The following AFG2A variants were observed in gnomAD, a reference collection of about 807,000 sequenced individuals.
AFG2A encodes ATPase family gene 2 protein homolog A.
the AFG2A span, among the ~76,000 whole-genome samples, chr4:123,082,476 T>A: frequency 6.6e-6 from 1 of 152,010 alleles, no homozygotes; most frequent in Non-Finnish European, 1.5e-5. Context: ...TCTGTTCTGT[T>A]CTGTTGGTAC....
the AFG2A span, among the ~76,000 whole-genome samples, chr4:123,144,114 A>G: frequency 6.6e-6 from 1 of 152,028 alleles, no homozygotes; most frequent in African/African-American, 2.4e-5. Context: ...AAATGGGTAG[A>G]AAAACTCAAG....
chr4:123,315,557 A>G, the AFG2A span: 1 of 151,930 alleles, frequency 6.6e-6, no homozygotes, highest in Non-Finnish European at 1.5e-5. Flanking sequence ...GCTTCTTGTT[A>G]TTTATCCTCA....
chr4:123,230,836 A>G, the AFG2A span, among the ~76,000 whole-genome samples: 4 of 152,004 alleles, frequency 2.6e-5, no homozygotes, highest in African/African-American at 9.7e-5. Context: ...ACACTAATCT[A>G]CATCTCCATC....
chr4:123,157,178 G>A, the AFG2A span, among the ~76,000 whole-genome samples: 3 of 151,756 alleles, frequency 2.0e-5, no homozygotes, highest in Admixed American at 2.0e-4. Flanking sequence ...ACCACGCCCA[G>A]CTAATTTTTG....
At chr4:123,257,094 C>T in the AFG2A span, among the ~76,000 whole-genome samples, 2 of 152,094 alleles carry the variant, frequency 1.3e-5, no homozygotes, top group Non-Finnish European at 2.9e-5. Flanking sequence ...TATGTAAACA[C>T]CGAAGAGATT....
At chr4:123,074,095 A>ATTTTTTTTTTTTTTTTT in the AFG2A span, among the ~76,000 whole-genome samples, 2 of 102,068 alleles carry the variant, frequency 2.0e-5, no homozygotes, top group African/African-American at 3.4e-5. Flanking sequence ...CTCAGATAGT[A>ATTTTTTTTTTTTTTTTT]TTTTTTTTTT....
the AFG2A span, among the ~76,000 whole-genome samples, chr4:123,141,237 G>A: frequency 6.6e-6 from 1 of 152,206 alleles, no homozygotes; most frequent in Non-Finnish European, 1.5e-5. Flanking sequence ...TGTTCTGGTA[G>A]GCATTGATCT....
chr4:123,077,321 A>G, the AFG2A span, among the ~76,000 whole-genome samples: 1 of 152,094 alleles, frequency 6.6e-6, no homozygotes, highest in Admixed American at 6.5e-5. Flanking sequence ...TGCTGGGATT[A>G]CAGGTGTGAG....
chr4:122,998,225 C>T, the AFG2A span, among the ~76,000 whole-genome samples: 1 of 152,090 alleles, frequency 6.6e-6, no homozygotes, highest in South Asian at 2.1e-4. Flanking sequence ...GTTGTCAAAT[C>T]CAAGGGCTTT....
chr4:122,936,715 C>T, the AFG2A span, among the ~76,000 whole-genome samples: 1 of 152,194 alleles, frequency 6.6e-6, no homozygotes, highest in Admixed American at 6.5e-5. Context: ...TGCGGTGGCT[C>T]ACGCCTGTAA....
At chr4:123,280,368 G>A in the AFG2A span, among the ~76,000 whole-genome samples, 51 of 151,922 alleles carry the variant, frequency 3.4e-4, no homozygotes, top group South Asian at 7.1e-3. Context: ...AATAAAGTTC[G>A]GTTCCTTTAC....
At chr4:123,195,369 TATTA>T in the AFG2A span, among the ~76,000 whole-genome samples, 1 of 152,206 alleles carries the variant, frequency 6.6e-6, no homozygotes. Context: ...AGGTCAGTAT[TATTA>T]ATTTCAAATT....
the AFG2A span, among the ~76,000 whole-genome samples, chr4:123,211,568 C>T: frequency 1.3e-5 from 2 of 152,094 alleles, no homozygotes; most frequent in East Asian, 1.9e-4. Flanking sequence ...TGTGAATTGG[C>T]CACAGCTAAG....
the AFG2A span, among the ~76,000 whole-genome samples, chr4:123,172,363 T>C: frequency 6.6e-6 from 1 of 152,204 alleles, no homozygotes; most frequent in African/African-American, 2.4e-5. Context: ...GTCTATTTAA[T>C]AGTCTTTGCA....
At chr4:123,105,035 T>G in the AFG2A span, among the ~76,000 whole-genome samples, 1 of 152,174 alleles carries the variant, frequency 6.6e-6, no homozygotes, top group Non-Finnish European at 1.5e-5. Flanking sequence ...TAGAAGAAGA[T>G]GGTAATCTAG....
At chr4:123,292,117 C>A in the AFG2A span, among the ~76,000 whole-genome samples, 1 of 152,174 alleles carries the variant, frequency 6.6e-6, no homozygotes, top group Non-Finnish European at 1.5e-5. Context: ...AAAGCATTCT[C>A]TTCAAGCTCT....
the AFG2A span, among the ~76,000 whole-genome samples, chr4:123,208,601 T>A: frequency 1.1e-4 from 16 of 152,176 alleles, no homozygotes; most frequent in Admixed American, 9.8e-4. Flanking sequence ...ACCTGTAGAG[T>A]CTGCATCTAA....
chr4:123,207,095 A>C, the AFG2A span, among the ~76,000 whole-genome samples: 1 of 152,168 alleles, frequency 6.6e-6, no homozygotes, highest in Non-Finnish European at 1.5e-5. Context: ...AAAACGAATT[A>C]ATGAGGAAGA....
At chr4:123,154,012 A>G in the AFG2A span, among the ~76,000 whole-genome samples, 1 of 152,170 alleles carries the variant, frequency 6.6e-6, no homozygotes. Context: ...TTGTCTTTCA[A>G]AGACTTTTGA....
Sources: gnomAD v4.1 joint callset for allele counts (sites outside exome capture counted in the v4.1 genomes callset) on GRCh38, gnomAD v4.1.1 for gene constraint, MANE v1.5 for transcripts, NCBI Gene and HGNC (gene_info 2026-07-23, HGNC 2026-07-21) for gene names.